PSG9: variants seen among roughly 807,000 people sequenced by gnomAD.
PSG9 encodes pregnancy specific beta-1-glycoprotein 9.
Under a neutral mutation model 41.9 loss-of-function variants are expected in PSG9, and 49 were observed. That is an observed-to-expected ratio of 1.17 (90% CI 0.93 to 1.48). The LOEUF is 1.48. Among genes scored for constraint, PSG9 ranks in the 40% most tolerant of loss-of-function variants. The probability of loss-of-function intolerance (pLI) is 0.00; values close to 1 mark genes in which losing one functional copy is unlikely to be tolerated. For missense variants in PSG9, 641 were observed against 520.3 expected (o/e 1.23, Z -2.26); for synonymous variants, 263 against 196.8 (o/e 1.34, Z -2.82).
At chr19:43,262,426 T>C (rs2072287) in intron 2 of PSG9, among the ~76,000 whole-genome samples, 1 of 151,980 alleles carries the variant, frequency 6.6e-6, no homozygotes, top group South Asian at 2.1e-4. Flanking sequence ...TGATGCCTCT[T>C]TGAGTCCCTC....
rs1568411495 is a variant in PSG9, at chr19:43,258,251, G to C, written c.1194C>G (p.Asn398Lys). ...HSGLYACSVHNSATGKEISKS... is the reference protein window; with the variant it reads ...HSGLYACSVHKSATGKEISKS... ...TGGAGATTTCCTTGCCAGTGGCTGAGTTATGAACAGAGCAAGCATAGAGCC... is the reference window on the plus strand; with the variant it reads ...TGGAGATTTCCTTGCCAGTGGCTGACTTATGAACAGAGCAAGCATAGAGCC... The change falls in exon 5 of 6, where the codon AAC becomes AAG. Residue 398 changes from asparagine (N) to lysine (K), a missense_variant. Coordinates refer to ENST00000270077, the MANE Select transcript of PSG9 (RefSeq NM_002784.5). 1 of 1,593,084 alleles carries C rather than the reference G, an allele frequency of 6.3e-7. No individual in the cohort carries two copies. Among genetic ancestry groups the C allele is most frequent in the South Asian group, 1.1e-5 (1 of 89,984 alleles).
chr19:43,258,544 A>G, intron 4 of PSG9, 88 bp from the exon 5 acceptor site: 2 of 1,490,320 alleles, frequency 1.3e-6, no homozygotes, highest in Non-Finnish European at 1.8e-6. Flanking sequence ...TGACCCTCTG[A>G]GCCAAGACAC....
At chr19:43,255,348 G>A (rs376343259) in intron 5 of PSG9, among the ~76,000 whole-genome samples, 7 of 145,960 alleles carry the variant, frequency 4.8e-5, no homozygotes, top group African/African-American at 1.8e-4. Flanking sequence ...TCCTAAGAAT[G>A]GAAGGAAACC....
rs1058071 is a variant in PSG9 at position 43,269,447 on chromosome 19, T to G, written c.-16A>C. On this transcript the variant is annotated 5_prime_UTR_variant, in exon 1 of 6. Coordinates refer to ENST00000270077, the MANE Select transcript of PSG9 (RefSeq NM_002784.5). ...GGGGCCCCATGGTCTCTGCTGCCTGTGTGTTCTCCTCTGTGGAGATGAGCC... is the reference window on the plus strand; with the variant it reads ...GGGGCCCCATGGTCTCTGCTGCCTGGGTGTTCTCCTCTGTGGAGATGAGCC... 1.2e-6 allele frequency: 2 copies of G among 1,612,842 alleles called. No homozygotes were observed. The highest frequency in any genetic ancestry group is 2.2e-5 in the East Asian group (1 of 44,776).
At position 43,258,103 on chromosome 19, in the gene PSG9, G is replaced by A. The variant is rs201318357; in HGVS notation, c.1243+99C>T. ...ATTTGGGATTTGCTTGTGCCCATGG[G>A]ACACAGGCTGGGAATAAAAATGTTT... On this transcript the variant is annotated intron_variant, in intron 5 of 5. Transcript: ENST00000270077. 3.0e-4 allele frequency: 482 copies of A among 1,590,042 alleles called. 32 individuals are homozygous for A. Among genetic ancestry groups the A allele is most frequent in the Middle Eastern group, 6.6e-4 (3 of 4,516 alleles).
rs1013829426 is a variant in PSG9, at chr19:43,269,405, G to A, written c.27C>T (p.Cys9=). The A allele has an allele frequency of 1.9e-6, 3 of 1,613,574 alleles. No homozygotes were observed. In the African/African-American group the frequency reaches 4.0e-5, roughly 22 times the overall value. Residue 9 remains cysteine (C), a synonymous_variant, in exon 1 of 6, where the codon TGC becomes TGT. Transcript: ENST00000270077. MGPLPAPS[C]TQRITWKGLL... is the part of the protein sequence containing the mutation. Reference sequence around the variant, plus strand: ...GCCCCTTCCAGGTGATGCGCTGTGTGCAGGAAGGGGCTGGGAGGGGCCCCA... The same window carrying A: ...GCCCCTTCCAGGTGATGCGCTGTGTACAGGAAGGGGCTGGGAGGGGCCCCA...
intron 2 of PSG9, among the ~76,000 whole-genome samples, chr19:43,263,857 G>A (rs1221494700): frequency 1.3e-5 from 2 of 152,098 alleles, no homozygotes; most frequent in African/African-American, 4.8e-5. Flanking sequence ...ATAAAGGGAG[G>A]AAGGATGCCA....
intron 2 of PSG9, among the ~76,000 whole-genome samples, chr19:43,265,485 A>C (rs1278938585): frequency 1.3e-5 from 2 of 152,082 alleles, no homozygotes; most frequent in Non-Finnish European, 2.9e-5. Context: ...AGGCAGATTC[A>C]AGCACAAACA....
At chr19:43,257,395 G>A in intron 5 of PSG9, 1 of 976,172 alleles carries the variant, frequency 1.0e-6, no homozygotes, top group African/African-American at 1.9e-5. Context: ...TTTTGGCACT[G>A]CCCCTTTCCT....
chr19:43,259,269 T>A lies in PSG9; in HGVS notation c.710-134A>T. 2.9e-6 allele frequency: 4 copies of A among 1,387,448 alleles called. 1 individual carries two copies. In the East Asian group the frequency reaches 1.1e-4, roughly 39 times the overall value. The allele number at this position is 1,387,448 out of a possible 1,614,324, so 85.9% of individuals were successfully genotyped here. A position where few individuals can be genotyped will look rare whatever the true frequency, so the allele number is the denominator to read the frequency against. On this transcript the variant is annotated intron_variant, in intron 3 of 5. Transcript: ENST00000270077. The stretch of plus-strand genomic sequence containing the variant: ...TGAAAGCCAATAGCTGGTGCGTGTG[T>A]CACAAGACAGATGCATGATGATCTA...
Position 43,258,310 on chromosome 19 carries a change from G to C in PSG9, c.1135C>G (p.Leu379Val). 1 of 1,592,856 alleles carries C rather than the reference G, an allele frequency of 6.3e-7. No homozygotes were observed. ...TTTCTAGTAATTTGGGGGATAAAGA[G>C]CTTTTGTCCTGATTGCTGAAACTTC... ...NGKFQQSGQKLFIPQITRNHS... is the reference protein window; with the variant it reads ...NGKFQQSGQKVFIPQITRNHS... The change falls in exon 5 of 6, where the codon CTC (leucine) becomes GTC (valine). Residue 379 changes from leucine to valine, a missense_variant. Coordinates refer to ENST00000270077, the MANE Select transcript of PSG9 (RefSeq NM_002784.5).
At position 43,269,444 on chromosome 19, in the gene PSG9, C is replaced by T. The variant is rs750254072; in HGVS notation, c.-13G>A. ...GGAGGGGCCCCATGGTCTCTGCTGC[C>T]TGTGTGTTCTCCTCTGTGGAGATGA... On this transcript the variant is annotated 5_prime_UTR_variant, in exon 1 of 6. Coordinates refer to ENST00000270077, the MANE Select transcript of PSG9 (RefSeq NM_002784.5). The T allele has an allele frequency of 9.9e-6, 16 of 1,613,436 alleles. No individual in the cohort carries two copies. Among genetic ancestry groups the T allele is most frequent in the Non-Finnish European group, 1.4e-5 (16 of 1,179,576 alleles).
chr19:43,260,686 T>C (rs1968670316), intron 3 of PSG9: 1 of 151,608 alleles, frequency 6.6e-6, no homozygotes, highest in East Asian at 2.0e-4. Context: ...TGGCAGTCAT[T>C]AATAAGATCC....
intron 2 of PSG9, among the ~76,000 whole-genome samples, chr19:43,265,601 C>G (rs1968928515): frequency 6.6e-6 from 1 of 152,150 alleles, no homozygotes; most frequent in Non-Finnish European, 1.5e-5. Flanking sequence ...AACCCCTGAT[C>G]CACTGGGGAG....
rs140899532 is a variant in PSG9, at chr19:43,269,410, A to G, written c.22T>C (p.Ser8Pro). Reference sequence around the variant, plus strand: ...TTCCAGGTGATGCGCTGTGTGCAGGAAGGGGCTGGGAGGGGCCCCATGGTC... The same window carrying G: ...TTCCAGGTGATGCGCTGTGTGCAGGGAGGGGCTGGGAGGGGCCCCATGGTC... MGPLPAP[S>P]CTQRITWKGL... The change falls in exon 1 of 6, where the codon TCC becomes CCC. Residue 8 changes from serine to proline, a missense_variant. By Grantham distance (74) the Ser-to-Pro change is moderately conservative. Coordinates refer to ENST00000270077, the MANE Select transcript of PSG9 (RefSeq NM_002784.5). 568 of 1,613,676 alleles carry G rather than the reference A, an allele frequency of 3.5e-4. 6 individuals are homozygous for G. Among genetic ancestry groups the G allele is most frequent in the Middle Eastern group, 3.1e-3 (19 of 6,052 alleles).
chr19:43,265,759 T>A (rs1189686341), intron 2 of PSG9, among the ~76,000 whole-genome samples: 1 of 151,850 alleles, frequency 6.6e-6, no homozygotes, highest in Non-Finnish European at 1.5e-5. Context: ...CAATTATGAG[T>A]GGATGGAGGA....
chr19:43,264,335 CT>C (rs1426177955), intron 2 of PSG9, among the ~76,000 whole-genome samples: 11 of 152,114 alleles, frequency 7.2e-5, no homozygotes, highest in African/African-American at 1.7e-4. Context: ...TTCTTCCCCA[CT>C]TTTTTTGAAC....
Position 43,267,804 on chromosome 19 carries a change from T to A in PSG9, c.410A>T (p.His137Leu), listed in dbSNP as rs758199376. 4 of 1,612,804 alleles carry A rather than the reference T, an allele frequency of 2.5e-6. No homozygotes were observed. In the African/African-American group the frequency reaches 5.3e-5, roughly 22 times the overall value. The change falls in exon 2 of 6, where the codon CAT becomes CTT. Residue 137 changes from histidine to leucine, a missense_variant. Transcript: ENST00000270077. ...CTCACAGTATAAGGTGAAGGTGAAATGTCGAATTTCTTCTCTAGTCTCATC... is the reference window on the plus strand; with the variant it reads ...CTCACAGTATAAGGTGAAGGTGAAAAGTCGAATTTCTTCTCTAGTCTCATC... ...RGDETREEIR[H>L]FTFTLYLETP...
chr19:43,254,676 G>A (rs891167232), intron 5 of PSG9, among the ~76,000 whole-genome samples: 5 of 146,074 alleles, frequency 3.4e-5, no homozygotes, highest in Non-Finnish European at 4.5e-5. Context: ...AATGGAAACA[G>A]AATAGAGGAA....
Sources: allele counts gnomAD v4.1 joint callset (sites outside exome capture counted in the v4.1 genomes callset), GRCh38; gene constraint gnomAD v4.1.1; transcripts MANE v1.5; gene names NCBI Gene and HGNC (gene_info 2026-07-23, HGNC 2026-07-21).